The following SDK1 variants were observed in gnomAD, a reference collection of about 807,000 sequenced individuals.
The protein encoded by SDK1 is sidekick cell adhesion molecule 1.
In SDK1, 157 loss-of-function variants were observed where a neutral mutation model predicts 245.5. That is an observed-to-expected ratio of 0.64 (90% CI 0.56 to 0.73). SDK1 has a LOEUF of 0.73. Among genes scored for constraint, SDK1 ranks in the 30% least tolerant of loss-of-function variants. The pLI is 0.00. For synonymous variants in SDK1, 1,647 were observed against 1,278.5 expected, an observed-to-expected ratio of 1.29 and a Z score of -6.15; for missense variants, 3,583 against 3,002.3, an observed-to-expected ratio of 1.19 and a Z score of -4.52.
intron 5 of SDK1, among the ~76,000 whole-genome samples, chr7:3,913,563 CATT>C (rs1427325480): frequency 3.3e-5 from 5 of 151,988 alleles, no homozygotes; most frequent in Admixed American, 3.3e-4. Flanking sequence ...AAAGTGCTGA[CATT>C]ACAGGCGTGA....
intron 5 of SDK1, among the ~76,000 whole-genome samples, chr7:3,865,756 C>G (rs1171077907): frequency 6.6e-6 from 1 of 151,990 alleles, no homozygotes; most frequent in Admixed American, 6.6e-5. Flanking sequence ...CTCAAGCCTC[C>G]CAAAACGCTG....
intron 1 of SDK1, among the ~76,000 whole-genome samples, chr7:3,530,887 A>G (rs760494934): frequency 6.6e-6 from 1 of 152,252 alleles, no homozygotes; most frequent in South Asian, 2.1e-4. Context: ...ATTGTCCACA[A>G]GTATCCATAG....
intron 1 of SDK1, among the ~76,000 whole-genome samples, chr7:3,577,386 T>G (rs1458994346): frequency 6.6e-6 from 1 of 152,032 alleles, no homozygotes. Flanking sequence ...CGTCATAGCA[T>G]CAGAGTGGCC....
chr7:4,204,116 G>A (rs557391150), intron 35 of SDK1, among the ~76,000 whole-genome samples: 3 of 152,374 alleles, frequency 2.0e-5, no homozygotes, highest in South Asian at 2.1e-4. Flanking sequence ...GGGGGAGGGC[G>A]ATGTCTCACC....
Position 3,689,987 on chromosome 7 carries a change from T to G in SDK1, c.713+47882T>G, listed in dbSNP as rs904336529. Among the ~76,000 whole-genome samples the G allele has an allele frequency of 4.6e-5, 7 of 152,384 alleles. No individual in the cohort carries two copies. In the South Asian group the frequency reaches 1.4e-3, roughly 32 times the overall value. On this transcript the variant is annotated intron_variant, in intron 4 of 44. Coordinates refer to ENST00000404826, the MANE Select transcript of SDK1 (RefSeq NM_152744.4). ...CGTGTGGAAATGAATGTTTTGTATT[T>G]GAGTTGTTAAGCTACAAAATATATT...
chr7:4,168,766 C>T (rs1470978207), intron 32 of SDK1, among the ~76,000 whole-genome samples: 1 of 152,142 alleles, frequency 6.6e-6, no homozygotes, highest in African/African-American at 2.4e-5. Flanking sequence ...GACCTCAGGG[C>T]GAGGTTGCTT....
At chr7:3,644,487 A>C (rs77217410) in intron 4 of SDK1, among the ~76,000 whole-genome samples, 3 of 151,806 alleles carry the variant, frequency 2.0e-5, no homozygotes, top group African/African-American at 4.8e-5. Flanking sequence ...GGTAAGGGCC[A>C]TTTGCGGTGG....
chr7:3,450,290 A>C (rs141848070), intron 1 of SDK1, among the ~76,000 whole-genome samples: 1 of 152,198 alleles, frequency 6.6e-6, no homozygotes, highest in Non-Finnish European at 1.5e-5. Context: ...AAAGTGGGTT[A>C]TAGTAAGTAG....
intron 1 of SDK1, among the ~76,000 whole-genome samples, chr7:3,612,398 G>C (rs1469495060): frequency 6.6e-6 from 1 of 152,094 alleles, no homozygotes; most frequent in Non-Finnish European, 1.5e-5. Flanking sequence ...TCCTTAAAAA[G>C]ATTGATATTA....
At chr7:4,175,469 G>A (rs1449099853) in intron 33 of SDK1, among the ~76,000 whole-genome samples, 1 of 152,230 alleles carries the variant, frequency 6.6e-6, no homozygotes, top group Non-Finnish European at 1.5e-5. Flanking sequence ...GAGAAAAGGT[G>A]TCCTGCCACT....
intron 1 of SDK1, among the ~76,000 whole-genome samples, chr7:3,493,309 C>T (rs1262774164): frequency 6.6e-6 from 1 of 152,222 alleles, no homozygotes; most frequent in African/African-American, 2.4e-5. Flanking sequence ...CTTCATCTAA[C>T]TGTCCATTCA....
chr7:3,898,107 G>C (rs1030684586), intron 5 of SDK1, among the ~76,000 whole-genome samples: 1 of 152,222 alleles, frequency 6.6e-6, no homozygotes, highest in African/African-American at 2.4e-5. Context: ...GAGAGAAGAT[G>C]TGAACATCCA....
intron 5 of SDK1, among the ~76,000 whole-genome samples, chr7:3,824,299 A>C (rs1456248524): frequency 6.6e-6 from 1 of 152,236 alleles, no homozygotes; most frequent in Non-Finnish European, 1.5e-5. Flanking sequence ...AGATTGAGGA[A>C]AATTTGTAAA....
intron 2 of SDK1, among the ~76,000 whole-genome samples, chr7:3,637,545 G>A (rs1170057445): frequency 6.6e-6 from 1 of 152,190 alleles, no homozygotes; most frequent in Non-Finnish European, 1.5e-5. Flanking sequence ...GACGCATTTC[G>A]AGTGGCGGTT....
At chr7:4,069,149 C>T (rs1780083940) in intron 20 of SDK1, among the ~76,000 whole-genome samples, 1 of 152,220 alleles carries the variant, frequency 6.6e-6, no homozygotes, top group South Asian at 2.1e-4. Context: ...GGCAGGGCCC[C>T]CTGTTCTACT....
chr7:3,919,195 C>G (rs1225840842), intron 5 of SDK1, among the ~76,000 whole-genome samples: 1 of 152,172 alleles, frequency 6.6e-6, no homozygotes, highest in Non-Finnish European at 1.5e-5. Flanking sequence ...CTTAGAGTTC[C>G]TTGAATATTC....
At chr7:3,912,468 T>C (rs999162021) in intron 5 of SDK1, among the ~76,000 whole-genome samples, 2 of 152,196 alleles carry the variant, frequency 1.3e-5, no homozygotes, top group African/African-American at 2.4e-5. Context: ...AAACATTGCA[T>C]TCTGTGAGGC....
intron 1 of SDK1, among the ~76,000 whole-genome samples, chr7:3,534,823 C>T (rs1778827371): frequency 6.6e-6 from 1 of 152,202 alleles, no homozygotes; most frequent in Admixed American, 6.5e-5. Flanking sequence ...GAAATAGATG[C>T]CGGCAGTTGT....
intron 5 of SDK1, among the ~76,000 whole-genome samples, chr7:3,881,930 G>C (rs939012231): frequency 2.0e-5 from 3 of 152,068 alleles, no homozygotes; most frequent in Non-Finnish European, 4.4e-5. Flanking sequence ...AGCTATATTA[G>C]TCCATTTTCA....
Sources: allele counts gnomAD v4.1 joint callset (sites outside exome capture counted in the v4.1 genomes callset), GRCh38; gene constraint gnomAD v4.1.1; transcripts MANE v1.5; gene names NCBI Gene and HGNC (gene_info 2026-07-23, HGNC 2026-07-21).